CDC42SE2: variants seen among roughly 807,000 people sequenced by gnomAD.
The protein encoded by CDC42SE2 is CDC42 small effector 2.
In CDC42SE2, 3 loss-of-function variants were observed where a neutral mutation model predicts 11.5. The observed-to-expected ratio is 0.26, with a 90% CI of 0.12 to 0.67. The LOEUF is 0.67. CDC42SE2 is among the 30% of genes least tolerant of loss of function. The pLI is 0.80. For missense variants in CDC42SE2, 82 were observed against 106.8 expected (o/e 0.77, Z 1.02); for synonymous variants, 33 against 34.8 (o/e 0.95, Z 0.18).
chr5:131,286,385 GTT>G (rs33983324), intron 1 of CDC42SE2, among the ~76,000 whole-genome samples: 7 of 115,064 alleles, frequency 6.1e-5, no homozygotes, highest in East Asian at 2.4e-4. Context: ...CACCTGGCCA[GTT>G]TTTTTTTTTT....
chr5:131,289,596 C>T (rs1197749690), intron 1 of CDC42SE2, among the ~76,000 whole-genome samples: 2 of 151,942 alleles, frequency 1.3e-5, no homozygotes, highest in African/African-American at 2.4e-5. Context: ...TGGCATGAAC[C>T]CAGGAGGCAG....
At chr5:131,279,395 T>C (rs1280979125) in intron 1 of CDC42SE2, among the ~76,000 whole-genome samples, 2 of 152,120 alleles carry the variant, frequency 1.3e-5, no homozygotes, top group Non-Finnish European at 2.9e-5. Context: ...AGGCGTTACT[T>C]TTCTGGTCAA....
intron 1 of CDC42SE2, among the ~76,000 whole-genome samples, chr5:131,299,580 C>T (rs1447739326): frequency 6.6e-6 from 1 of 152,078 alleles, no homozygotes; most frequent in Non-Finnish European, 1.5e-5. Flanking sequence ...AGTTAAGAAG[C>T]AGGGTTCAGT....
intron 2 of CDC42SE2, among the ~76,000 whole-genome samples, chr5:131,356,427 G>C (rs1406369755): frequency 2.0e-5 from 3 of 152,006 alleles, no homozygotes; most frequent in Non-Finnish European, 4.4e-5. Flanking sequence ...TTAGAAACCT[G>C]TTCTAAAAAA....
At chr5:131,240,113 C>G in the CDC42SE2 span, among the ~76,000 whole-genome samples, 1 of 152,162 alleles carries the variant, frequency 6.6e-6, no homozygotes, top group African/African-American at 2.4e-5. Flanking sequence ...TTTCTGGCAC[C>G]AGGGAATTTT....
the CDC42SE2 span, among the ~76,000 whole-genome samples, chr5:131,216,439 C>T: frequency 6.9e-6 from 1 of 144,966 alleles, no homozygotes; most frequent in East Asian, 2.0e-4. Context: ...GAGGTCCAGG[C>T]TGCAATGAGC....
At chr5:131,309,782 C>G (rs56889560) in intron 1 of CDC42SE2, among the ~76,000 whole-genome samples, 2 of 151,866 alleles carry the variant, frequency 1.3e-5, no homozygotes, top group Admixed American at 6.6e-5. Flanking sequence ...TCTGTGGGAT[C>G]GGTGGTGATA....
At chr5:131,240,820 T>C (rs1756534624), upstream of CDC42SE2, among the ~76,000 whole-genome samples, 1 of 152,184 alleles carries the variant, frequency 6.6e-6, no homozygotes, top group Non-Finnish European at 1.5e-5. Context: ...TGTCAGAAAA[T>C]GAAAAATATA....
chr5:131,264,205 A>T (rs550699179), intron 1 of CDC42SE2, 39 bp downstream of exon 1: 1 of 152,180 alleles, frequency 6.6e-6, no homozygotes, highest in South Asian at 2.1e-4. Flanking sequence ...GTCGGCCGCC[A>T]CGCCTCGCCC....
rs1750739291 is a variant in CDC42SE2, at chr5:131,393,569, T to C, written c.*2478T>C. The C allele has an allele frequency of 6.6e-6, 1 of 152,410 alleles. No individual in the cohort carries two copies. 9.4% of individuals were successfully genotyped at this position (152,410 alleles called of 1,614,324 possible). ...GGAATTTGCCTGAGTACTGTTGTCA[T>C]TCTGCTCAGCCAGGCACGGTCAGTT... On this transcript the variant is annotated 3_prime_UTR_variant, in exon 5 of 5. Transcript: ENST00000505065.
At chr5:131,221,598 A>G in the CDC42SE2 span, among the ~76,000 whole-genome samples, 20 of 148,916 alleles carry the variant, frequency 1.3e-4, no homozygotes, top group African/African-American at 3.9e-4. Flanking sequence ...ATTACCAGTG[A>G]AAAAAAAAAC....
intron 3 of CDC42SE2, among the ~76,000 whole-genome samples, chr5:131,365,773 A>G (rs10055942): frequency 2.8e-4 from 43 of 152,222 alleles, no homozygotes; most frequent in African/African-American, 4.6e-4. Flanking sequence ...ACGAGGTCAG[A>G]AGATCGAGAC....
At chr5:131,318,636 A>T (rs1157761017) in intron 2 of CDC42SE2, among the ~76,000 whole-genome samples, 1 of 152,236 alleles carries the variant, frequency 6.6e-6, no homozygotes, top group African/African-American at 2.4e-5. Context: ...TAGTTACTCC[A>T]TTTGAGCTGC....
At chr5:131,283,245 T>C (rs571797905) in intron 1 of CDC42SE2, among the ~76,000 whole-genome samples, 1 of 151,938 alleles carries the variant, frequency 6.6e-6, no homozygotes, top group East Asian at 2.0e-4. Context: ...CTTTTTTACA[T>C]AAGTCAGTGT....
At chr5:131,302,662 T>C (rs1757708273) in intron 1 of CDC42SE2, among the ~76,000 whole-genome samples, 1 of 152,190 alleles carries the variant, frequency 6.6e-6, no homozygotes. Context: ...CCTTCAGCCA[T>C]ATTCTTTGTC....
Position 131,391,599 on chromosome 5 carries a change from GA to G in CDC42SE2, c.*509del, listed in dbSNP as rs1299758302. The G allele has an allele frequency of 2.0e-5, 3 of 152,378 alleles. No homozygotes were observed. The highest frequency in any genetic ancestry group is 4.4e-5 in the Non-Finnish European group (3 of 68,154). The allele number at this position is 152,378 out of a possible 1,614,324, so 9.4% of individuals were successfully genotyped here. On this transcript the variant is annotated 3_prime_UTR_variant, in exon 5 of 5. Coordinates refer to ENST00000505065, the MANE Select transcript of CDC42SE2 (RefSeq NM_001375635.1). ...AGGCACGAGAATTGCTTGAACCTGG[GA>G]GGCAGGGGTTGCAGTCAGCTGAGAA...
At chr5:131,277,405 C>T (rs1757126085) in intron 1 of CDC42SE2, among the ~76,000 whole-genome samples, 1 of 152,208 alleles carries the variant, frequency 6.6e-6, no homozygotes, top group African/African-American at 2.4e-5. Context: ...ACCCCAGTCT[C>T]ATAAGGGGTC....
At chr5:131,234,959 A>T in the CDC42SE2 span, among the ~76,000 whole-genome samples, 1 of 144,768 alleles carries the variant, frequency 6.9e-6, no homozygotes, top group Admixed American at 7.0e-5. Flanking sequence ...CACGATCTCG[A>T]CTCACTGCAA....
chr5:131,341,809 C>G (rs187590953), intron 2 of CDC42SE2, among the ~76,000 whole-genome samples: 32 of 151,782 alleles, frequency 2.1e-4, no homozygotes, highest in Middle Eastern at 3.4e-3. Context: ...GTAGGAGAAT[C>G]GTTTGAACCC....
Sources: allele counts gnomAD v4.1 joint callset (sites outside exome capture counted in the v4.1 genomes callset), GRCh38; gene constraint gnomAD v4.1.1; transcripts MANE v1.5; gene names NCBI Gene and HGNC (gene_info 2026-07-23, HGNC 2026-07-21).